SERGEF: variants seen among roughly 807,000 people sequenced by gnomAD.
The protein encoded by SERGEF is secretion regulating guanine nucleotide exchange factor.
SERGEF carries 51 observed loss-of-function variants against 50.0 expected under a neutral mutation model. The observed-to-expected ratio is 1.02, with a 90% confidence interval of 0.81 to 1.29. The LOEUF is 1.29. SERGEF is among the 50% of genes most tolerant of loss of function. SERGEF has a pLI of 0.00. For missense variants in SERGEF, 521 were observed against 557.0 expected, an observed-to-expected ratio of 0.94 and a Z score of 0.65; for synonymous variants, 205 against 212.4, an observed-to-expected ratio of 0.97 and a Z score of 0.30.
intron 10 of SERGEF, among the ~76,000 whole-genome samples, chr11:17,831,736 A>G (rs1850311487): frequency 6.6e-6 from 1 of 152,226 alleles, no homozygotes; most frequent in Admixed American, 6.5e-5. Flanking sequence ...ACAATTCAGT[A>G]AAGAACAATA....
chr11:17,895,959 T>C (rs1453494153), intron 9 of SERGEF, among the ~76,000 whole-genome samples: 1 of 152,240 alleles, frequency 6.6e-6, no homozygotes, highest in Non-Finnish European at 1.5e-5. Flanking sequence ...TATAGCATCA[T>C]AGGAATATAC....
At chr11:17,989,526 T>G (rs1169341117) in intron 7 of SERGEF, among the ~76,000 whole-genome samples, 1 of 152,244 alleles carries the variant, frequency 6.6e-6, no homozygotes, top group Non-Finnish European at 1.5e-5. Context: ...CAGGTGACTG[T>G]GGCAAGCCAG....
chr11:17,800,300 T>C (rs181513425), intron 10 of SERGEF, among the ~76,000 whole-genome samples: 47 of 152,308 alleles, frequency 3.1e-4, no homozygotes, highest in Admixed American at 1.4e-3. Flanking sequence ...TGACACACCA[T>C]TGGCGCTCAA....
intron 9 of SERGEF, among the ~76,000 whole-genome samples, chr11:17,902,282 A>G (rs569564394): frequency 6.6e-6 from 1 of 152,182 alleles, no homozygotes; most frequent in Non-Finnish European, 1.5e-5. Context: ...TTTTAAGTTC[A>G]AAAGTTGGGA....
chr11:17,950,293 C>A (rs1005042817), intron 9 of SERGEF, among the ~76,000 whole-genome samples: 8 of 152,196 alleles, frequency 5.3e-5, no homozygotes, highest in African/African-American at 1.9e-4. Context: ...ATTCTTTGCA[C>A]ACTGGCTGTG....
At chr11:17,982,085 G>T (rs919252944) in intron 8 of SERGEF, among the ~76,000 whole-genome samples, 1 of 152,140 alleles carries the variant, frequency 6.6e-6, no homozygotes, top group South Asian at 2.1e-4. Context: ...AATTACAGAC[G>T]TGAGCCACCA....
At chr11:17,820,211 C>A (rs1423771635) in intron 10 of SERGEF, among the ~76,000 whole-genome samples, 1 of 152,086 alleles carries the variant, frequency 6.6e-6, no homozygotes, top group East Asian at 1.9e-4. Flanking sequence ...GAACTCCAAG[C>A]CCCTTCTCTT....
chr11:17,840,942 C>T (rs573080594), intron 10 of SERGEF, among the ~76,000 whole-genome samples: 1 of 152,300 alleles, frequency 6.6e-6, no homozygotes, highest in Admixed American at 6.5e-5. Context: ...ACACAAATAT[C>T]TCAATCACAG....
intron 10 of SERGEF, among the ~76,000 whole-genome samples, chr11:17,804,475 T>C (rs1187531540): frequency 6.6e-6 from 1 of 152,170 alleles, no homozygotes; most frequent in African/African-American, 2.4e-5. Context: ...AGAAGAGAAG[T>C]CAGCATTCAT....
chr11:17,938,361 T>C (rs1348115214), intron 9 of SERGEF, among the ~76,000 whole-genome samples: 1 of 152,194 alleles, frequency 6.6e-6, no homozygotes, highest in East Asian at 1.9e-4. Flanking sequence ...TCTTAACTTA[T>C]ACCTATATCC....
chr11:17,810,539 G>A (rs1461611869), intron 10 of SERGEF, among the ~76,000 whole-genome samples: 4 of 152,208 alleles, frequency 2.6e-5, no homozygotes, highest in Non-Finnish European at 5.9e-5. Context: ...ACTGGGGCCT[G>A]GAGAAGACAG....
At chr11:17,958,154 G>A (rs1380498394) in intron 9 of SERGEF, among the ~76,000 whole-genome samples, 1 of 152,184 alleles carries the variant, frequency 6.6e-6, no homozygotes, top group Non-Finnish European at 1.5e-5. Flanking sequence ...GAAGACCAGG[G>A]CTGGGATGTT....
intron 9 of SERGEF, among the ~76,000 whole-genome samples, chr11:17,918,499 C>T (rs1852089176): frequency 6.6e-6 from 1 of 152,106 alleles, no homozygotes; most frequent in Admixed American, 6.6e-5. Flanking sequence ...TGGGAAACAT[C>T]CATTCATTCC....
rs564443169 is a variant in SERGEF at position 17,965,731 on chromosome 11, C to T, written c.845-6095G>A. Among the ~76,000 whole-genome samples, 4 of 152,288 alleles carry T rather than the reference C, an allele frequency of 2.6e-5. No individual in the cohort carries two copies. The South Asian group carries it at 8.3e-4, about 32-fold the overall frequency. On this transcript the variant is annotated intron_variant, in intron 8 of 10. Transcript: ENST00000265965. ...CACAAAGTAGGCACTCAATAAATAT[C>T]TGCTGCCTGAATGAACAATAGAATA...
intron 9 of SERGEF, among the ~76,000 whole-genome samples, chr11:17,902,244 T>C (rs1479365254): frequency 6.6e-6 from 1 of 152,088 alleles, no homozygotes; most frequent in Admixed American, 6.5e-5. Context: ...GAAAGAGCTA[T>C]AACGTTTGGC....
intron 7 of SERGEF, among the ~76,000 whole-genome samples, chr11:17,989,348 G>A (rs1326164249): frequency 6.6e-6 from 1 of 152,212 alleles, no homozygotes; most frequent in Admixed American, 6.5e-5. Context: ...CAAATTCAGA[G>A]TCAAGTGACT....
At chr11:17,817,410 G>T (rs1454891323) in intron 10 of SERGEF, among the ~76,000 whole-genome samples, 1 of 151,936 alleles carries the variant, frequency 6.6e-6, no homozygotes, top group East Asian at 1.9e-4. Flanking sequence ...TAGAGACGGG[G>T]TTTCACCATG....
intron 1 of SERGEF, among the ~76,000 whole-genome samples, chr11:18,010,589 A>G (rs1854174918): frequency 6.6e-6 from 1 of 152,220 alleles, no homozygotes; most frequent in African/African-American, 2.4e-5. Context: ...GGTTAACTGT[A>G]TGACTTTATC....
intron 10 of SERGEF, among the ~76,000 whole-genome samples, chr11:17,862,518 G>A (rs1306804324): frequency 3.3e-5 from 5 of 152,280 alleles, no homozygotes; most frequent in South Asian, 4.1e-4. Context: ...TAGGCAAACC[G>A]AATGTTGCTA....
Sources: allele counts gnomAD v4.1 joint callset (sites outside exome capture counted in the v4.1 genomes callset), GRCh38; gene constraint gnomAD v4.1.1; transcripts MANE v1.5; gene names NCBI Gene and HGNC (gene_info 2026-07-23, HGNC 2026-07-21).